Variants in CSMD1 observed in about 807,000 individuals in gnomAD.
The protein encoded by CSMD1 is CUB and Sushi multiple domains 1.
In CSMD1, 213 loss-of-function variants were observed where a neutral mutation model predicts 417.5. The ratio of observed to expected loss-of-function variants is 0.51; its 90% CI spans 0.46 to 0.57. The LOEUF is 0.57. Ranked by LOEUF, CSMD1 falls within the 20% of genes least tolerant of loss-of-function variation. The pLI is 0.00. For synonymous variants in CSMD1, 2,862 were observed against 1,736.8 expected (o/e 1.65, Z -16.11); for missense variants, 6,923 against 4,529.7 (o/e 1.53, Z -15.17).
At chr8:4,645,444 C>CAAAAAAAAAAAAAAAA (rs549511320) in intron 1 of CSMD1, among the ~76,000 whole-genome samples, 2 of 36,854 alleles carry the variant, frequency 5.4e-5, no homozygotes, top group Non-Finnish European at 9.3e-5. Flanking sequence ...AGTGCAGGGG[C>CAAAAAAAAAAAAAAAA]AAAAAAAAAA....
chr8:4,306,639 T>A (rs987507408), intron 3 of CSMD1, among the ~76,000 whole-genome samples: 5 of 152,132 alleles, frequency 3.3e-5, no homozygotes, highest in African/African-American at 1.2e-4. Context: ...CACATCTGGA[T>A]GTATCCATTG....
intron 5 of CSMD1, among the ~76,000 whole-genome samples, chr8:3,975,939 T>A (rs990622147): frequency 3.9e-5 from 6 of 152,180 alleles, no homozygotes; most frequent in Non-Finnish European, 7.4e-5. Context: ...TTGCAGTATG[T>A]TTTATCTATC....
intron 12 of CSMD1, among the ~76,000 whole-genome samples, chr8:3,431,274 C>A (rs191616650): frequency 1.8e-4 from 27 of 152,270 alleles, no homozygotes; most frequent in Admixed American, 5.2e-4. Context: ...GTGCAGATGT[C>A]ACACCTGGGC....
At chr8:3,920,181 G>A (rs939500184) in intron 5 of CSMD1, among the ~76,000 whole-genome samples, 1 of 152,018 alleles carries the variant, frequency 6.6e-6, no homozygotes, top group African/African-American at 2.4e-5. Context: ...CTACAGGTGT[G>A]TGCCAGCATA....
At chr8:4,889,223 G>A (rs915461906) in intron 1 of CSMD1, among the ~76,000 whole-genome samples, 1 of 152,062 alleles carries the variant, frequency 6.6e-6, no homozygotes. Flanking sequence ...GGTATCAGTA[G>A]GAATGACTCT....
rs1173713971 is a variant in CSMD1, at chr8:4,921,025, GAAGA to G, written c.85+73303_85+73306del. ...AAAGAAAGAAAGAAAAGAAAGAAAG[GAAGA>G]AAGAAAGGAAGGAAGAAAGAAAAGA... On this transcript the variant is annotated intron_variant, in intron 1 of 69. Transcript: ENST00000635120. 6.0e-4 allele frequency among the ~76,000 whole-genome samples: 48 copies of G among 79,806 alleles called. 1 individual carries two copies. The highest frequency in any genetic ancestry group is 8.6e-4 in the Non-Finnish European group (32 of 37,056). The allele number at this position is 79,806 out of a possible 152,430, so 52.4% of individuals were successfully genotyped here.
At chr8:3,839,689 G>T (rs1328536646) in intron 5 of CSMD1, among the ~76,000 whole-genome samples, 3 of 149,080 alleles carry the variant, frequency 2.0e-5, no homozygotes, top group African/African-American at 7.4e-5. Flanking sequence ...CCTTCATTTG[G>T]GAGCTGTTGT....
intron 4 of CSMD1, among the ~76,000 whole-genome samples, chr8:4,025,180 C>G (rs1382172962): frequency 6.6e-6 from 1 of 152,206 alleles, no homozygotes; most frequent in Non-Finnish European, 1.5e-5. Context: ...AAATGCACCC[C>G]CTCCTGGGGG....
chr8:3,258,165 T>A (rs561801033), intron 26 of CSMD1, among the ~76,000 whole-genome samples: 1 of 152,106 alleles, frequency 6.6e-6, no homozygotes, highest in Non-Finnish European at 1.5e-5. Context: ...ACAGACAACC[T>A]AAAGAAAGGG....
At chr8:4,812,846 G>A (rs768910417) in intron 1 of CSMD1, among the ~76,000 whole-genome samples, 3 of 152,106 alleles carry the variant, frequency 2.0e-5, no homozygotes, top group Admixed American at 6.6e-5. Context: ...GGAATCTATT[G>A]TTATTGATAT....
intron 68 of CSMD1, among the ~76,000 whole-genome samples, chr8:2,948,620 C>A (rs1802413373): frequency 6.6e-6 from 1 of 152,052 alleles, no homozygotes; most frequent in Non-Finnish European, 1.5e-5. Flanking sequence ...TGAAGCAATT[C>A]TTTCAGCATA....
intron 5 of CSMD1, among the ~76,000 whole-genome samples, chr8:3,902,098 C>A (rs1807794472): frequency 6.6e-6 from 1 of 152,154 alleles, no homozygotes; most frequent in African/African-American, 2.4e-5. Context: ...GAAAACCAGC[C>A]TGAACACATT....
chr8:3,529,684 C>G (rs1282740355), intron 10 of CSMD1, among the ~76,000 whole-genome samples: 1 of 152,152 alleles, frequency 6.6e-6, no homozygotes, highest in African/African-American at 2.4e-5. Flanking sequence ...GCTTACTAAG[C>G]AACTCATATG....
chr8:4,821,010 G>T (rs898052015), intron 1 of CSMD1, among the ~76,000 whole-genome samples: 1 of 152,076 alleles, frequency 6.6e-6, no homozygotes, highest in Non-Finnish European at 1.5e-5. Flanking sequence ...TCATTAGAAT[G>T]TCTCAGATCG....
intron 7 of CSMD1, among the ~76,000 whole-genome samples, chr8:3,651,598 C>T (rs1418250922): frequency 1.3e-5 from 2 of 152,040 alleles, no homozygotes; most frequent in South Asian, 2.1e-4. Flanking sequence ...ATAGCCCCTG[C>T]CCCCCTGCAC....
chr8:3,666,836 T>A (rs1438322953), intron 7 of CSMD1, among the ~76,000 whole-genome samples: 1 of 152,240 alleles, frequency 6.6e-6, no homozygotes, highest in African/African-American at 2.4e-5. Context: ...CCATTAAATC[T>A]CTTTTTCTTT....
At chr8:4,974,363 T>C (rs1479617904) in intron 1 of CSMD1, among the ~76,000 whole-genome samples, 1 of 152,122 alleles carries the variant, frequency 6.6e-6, no homozygotes, top group African/African-American at 2.4e-5. Context: ...CGGTTAGCAC[T>C]TAGCTGCAAT....
chr8:4,189,933 T>G (rs1055010270), intron 3 of CSMD1, among the ~76,000 whole-genome samples: 4 of 151,932 alleles, frequency 2.6e-5, no homozygotes, highest in African/African-American at 9.7e-5. Context: ...ATTTTTTTTT[T>G]CTAAAAAGCA....
chr8:4,510,026 C>G (rs984234655), intron 2 of CSMD1, among the ~76,000 whole-genome samples: 1 of 152,030 alleles, frequency 6.6e-6, no homozygotes, highest in Non-Finnish European at 1.5e-5. Context: ...GTGGGAGGGA[C>G]CCGGTGGGAG....
Sources: allele counts gnomAD v4.1 joint callset (sites outside exome capture counted in the v4.1 genomes callset), GRCh38; gene constraint gnomAD v4.1.1; transcripts MANE v1.5; gene names NCBI Gene and HGNC (gene_info 2026-07-23, HGNC 2026-07-21).